THBS3: variants seen among roughly 807,000 people sequenced by gnomAD.
THBS3 encodes the protein thrombospondin 3.
THBS3 carries 78 observed loss-of-function variants against 118.3 expected under a neutral mutation model. The ratio of observed to expected loss-of-function variants is 0.66; its 90% CI spans 0.55 to 0.80. The LOEUF is 0.80. THBS3 is among the 30% of genes least tolerant of loss of function. The probability of loss-of-function intolerance (pLI) is 0.00; values close to 1 mark genes in which losing one functional copy is unlikely to be tolerated. For synonymous variants in THBS3, 427 were observed against 475.3 expected (o/e 0.90, Z 1.32); for missense variants, 1,057 against 1,247.4 (o/e 0.85, Z 2.30).
upstream of THBS3, chr1:155,209,018 C>G (rs757592720): frequency 1.9e-6 from 3 of 1,582,434 alleles, no homozygotes; most frequent in African/African-American, 4.0e-5. Flanking sequence ...GCCGACAGCG[C>G]TGTCCCGCTA....
At chr1:155,209,133 C>T, upstream of THBS3, 6 of 1,540,554 alleles carry the variant, frequency 3.9e-6, no homozygotes, top group Non-Finnish European at 5.3e-6. Context: ...CTCGCCTCCC[C>T]GGGGATCTCC....
At position 155,197,474 on chromosome 1, in the gene THBS3, G is replaced by C; in HGVS notation, c.2488C>G (p.Leu830Val). Reference sequence around the variant, plus strand: ...GAGCAGCTGGGGACCTTGAGCTGCAGCCCGGGCTGGGCAACCGCCCGGAAG... The same window carrying C: ...GAGCAGCTGGGGACCTTGAGCTGCACCCCGGGCTGGGCAACCGCCCGGAAG... ...TPFRAVAQPGLQLKAVTSVSG... is the reference protein window; with the variant it reads ...TPFRAVAQPGVQLKAVTSVSG... The change falls in exon 20 of 23, where the codon CTG (leucine) becomes GTG (valine). Residue 830 changes from leucine to valine, a missense_variant. By Grantham distance (32) the Leu-to-Val change is conservative. Around this residue, in one of 3 missense-constraint regions of THBS3, gnomAD observed 307 missense variants for 326.1 expected, o/e 0.94. Coordinates refer to ENST00000368378, the MANE Select transcript of THBS3 (RefSeq NM_007112.5). This position sits in a 1 kb window ranked among gnomAD's most constrained non-coding sequence, Gnocchi z 5.0. 1 of 1,612,872 alleles carries C rather than the reference G, an allele frequency of 6.2e-7. No homozygotes were observed. The highest frequency in any genetic ancestry group is 8.5e-7 in the Non-Finnish European group (1 of 1,179,932).
intron 1 of THBS3, among the ~76,000 whole-genome samples, chr1:155,207,468 C>T (rs550896542): frequency 5.9e-5 from 9 of 151,968 alleles, no homozygotes; most frequent in South Asian, 2.1e-4. Flanking sequence ...ACCTACAGTA[C>T]GCCCACCTTC....
At position 155,202,054 on chromosome 1, in the gene THBS3, G is replaced by A. The variant is rs1468304248; in HGVS notation, c.1099-20C>T. 6.2e-7 allele frequency: 1 copy of A among 1,613,972 alleles called. No individual in the cohort carries two copies. Among genetic ancestry groups the A allele is most frequent in the South Asian group, 1.1e-5 (1 of 91,090 alleles). On this transcript the variant is annotated intron_variant, in intron 9 of 22. Coordinates refer to ENST00000368378, the MANE Select transcript of THBS3 (RefSeq NM_007112.5). This position sits in a 1 kb window ranked among gnomAD's most constrained non-coding sequence, Gnocchi z 5.5. ...GCAGACCTGAAGGGGCAGACTTTGGGTGGAACCAGACCTATGGTGGGTCTC... is the reference window on the plus strand; with the variant it reads ...GCAGACCTGAAGGGGCAGACTTTGGATGGAACCAGACCTATGGTGGGTCTC...
Position 155,205,199 on chromosome 1 carries a change from G to T in THBS3, c.404C>A (p.Pro135His), listed in dbSNP as rs1336127693. 1 of 1,614,088 alleles carries T rather than the reference G, an allele frequency of 6.2e-7. No homozygotes were observed. The highest frequency in any genetic ancestry group is 1.3e-5 in the African/African-American group (1 of 74,932). Reference protein sequence around the residue: ...VLLRLRGPSRPSPALHLYVDC... With the variant: ...VLLRLRGPSRHSPALHLYVDC... ...CACGTAGAGATGTAGGGCAGGGCTG[G>T]GTCTGGAGGGACCTCGGAGTCGCAG... Residue 135 changes from proline to histidine, a missense_variant, in exon 3 of 23, where the codon CCC (proline) becomes CAC (histidine). Pro to His is a moderately conservative substitution (Grantham distance 77). Transcript: ENST00000368378.
chr1:155,197,600 C>G lies in THBS3; in HGVS notation c.2362G>C (p.Asp788His). Residue 788 changes from aspartate (D) to histidine (H), a missense_variant, in exon 20 of 23, where the codon GAT (aspartate) becomes CAT (histidine). Physicochemically the swap from Asp to His is moderately conservative, Grantham distance 81. Transcript: ENST00000368378. The surrounding 1 kb of genome is among the most constrained non-coding windows in gnomAD (Gnocchi z 5.0). ...EGTFHVNTVT[D>H]DDYAGFLFSY... ...AAGAGAAAGCCTGCGTAGTCATCATCAGTCACTGTGTTCACATGGAAGGTG... is the reference window on the plus strand; with the variant it reads ...AAGAGAAAGCCTGCGTAGTCATCATGAGTCACTGTGTTCACATGGAAGGTG... 6.2e-7 allele frequency: 1 copy of G among 1,613,296 alleles called. No individual in the cohort carries two copies. The highest frequency in any genetic ancestry group is 1.3e-5 in the African/African-American group (1 of 74,708).
chr1:155,200,819 C>T, intron 13 of THBS3, 78 bp downstream of exon 13: 1 of 1,610,836 alleles, frequency 6.2e-7, no homozygotes. Context: ...AGAGAGCTGC[C>T]AGATGAGGTA....
intron 4 of THBS3, among the ~76,000 whole-genome samples, chr1:155,204,648 ATTC>A (rs1321671956): frequency 1.3e-5 from 2 of 151,886 alleles, no homozygotes; most frequent in Non-Finnish European, 2.9e-5. Context: ...CAATTAACCA[ATTC>A]TTCTCTTAGA....
Position 155,206,402 on chromosome 1 carries a change from A to G in THBS3, c.84T>C (p.Ile28=). ...GAGACTCGCCCACAGTCAGCAGGTC[A>G]ATTACTGGTCAGGCAGGGGTTATCA... ...FTSASQDLQV[I]DLLTVGESRQ... Residue 28 remains isoleucine, a synonymous_variant, in exon 2 of 23, where the codon ATT becomes ATC. Coordinates refer to ENST00000368378, the MANE Select transcript of THBS3 (RefSeq NM_007112.5). This position sits in a 1 kb window ranked among gnomAD's most constrained non-coding sequence, Gnocchi z 4.2. 1 of 1,613,994 alleles carries G rather than the reference A, an allele frequency of 6.2e-7. No individual in the cohort carries two copies. Among genetic ancestry groups the G allele is most frequent in the East Asian group, 2.2e-5 (1 of 44,882 alleles).
In THBS3 at chr1:155,197,362, G is replaced by T. The variant is rs957920947; in HGVS notation, c.2499+101C>A. 52 of 1,533,030 alleles carry T rather than the reference G, an allele frequency of 3.4e-5. No individual in the cohort carries two copies. The highest frequency in any genetic ancestry group is 4.5e-5 in the Non-Finnish European group (51 of 1,128,772). 95.0% of individuals were successfully genotyped at this position (1,533,030 alleles called of 1,614,324 possible). ...GAGCCGGCCTCCAAGCCAGATGTCT[G>T]GGTAAGAGGGTTCCCAGTCAAGCAG... On this transcript the variant is annotated intron_variant, in intron 20 of 22. Coordinates refer to ENST00000368378, the MANE Select transcript of THBS3 (RefSeq NM_007112.5). This position sits in a 1 kb window ranked among gnomAD's most constrained non-coding sequence, Gnocchi z 5.0.
At chr1:155,198,648 T>C in intron 16 of THBS3, 46 bp from the exon 17 acceptor site, 2 of 1,581,350 alleles carry the variant, frequency 1.3e-6, no homozygotes, top group Non-Finnish European at 8.6e-7. Context: ...AAGGTACTCC[T>C]TGTCCTTCCC....
In THBS3 at chr1:155,207,798, C is replaced by A. The variant is rs374587876; in HGVS notation, c.79G>T (p.Val27Leu). ...FFTSASQDLQ[V>L]IDLLTVGESR... Reference sequence around the variant, plus strand: ...TCTAAGAGGATGGAGACAGGCTTACCCTGCAGATCCTGACTGGCAGATGTG... The same window carrying A: ...TCTAAGAGGATGGAGACAGGCTTACACTGCAGATCCTGACTGGCAGATGTG... Residue 27 changes from valine (V) to leucine (L), a missense_variant and splice_region_variant, in exon 1 of 23, where the codon GTA becomes TTA. Coordinates refer to ENST00000368378, the MANE Select transcript of THBS3 (RefSeq NM_007112.5). 9 of 1,613,816 alleles carry A rather than the reference C, an allele frequency of 5.6e-6. No homozygotes were observed. In the Admixed American group the frequency reaches 1.5e-4, roughly 27 times the overall value.
rs200131000 is a variant in THBS3, at chr1:155,200,990, C to T, written c.1455G>A (p.Leu485=). The T allele has an allele frequency of 1.9e-6, 3 of 1,614,176 alleles. No homozygotes were observed. In the African/African-American group the frequency reaches 4.0e-5, roughly 22 times the overall value. The stretch of plus-strand genomic sequence containing the variant: ...CATCTTCCTGCCCAGAGTTGGGTGT[C>T]AAAAGGCAGTTGTCCTAAAGTTCAG... ...NKHCKQDNCL[L]TPNSGQEDAD... is the part of the protein sequence containing the mutation. The change falls in exon 13 of 23, where the codon TTG becomes TTA. Residue 485 remains leucine (L), a synonymous_variant. Coordinates refer to ENST00000368378, the MANE Select transcript of THBS3 (RefSeq NM_007112.5).
In THBS3 at chr1:155,201,000, T is replaced by G. The variant is rs753654624; in HGVS notation, c.1445A>C (p.Asn482Thr). Residue 482 changes from asparagine to threonine, a missense_variant, in exon 13 of 23, where the codon AAC (asparagine) becomes ACC (threonine). Transcript: ENST00000368378. The part of the protein sequence containing the change: ...MDNNKHCKQD[N>T]CLLTPNSGQE... ...CCCAGAGTTGGGTGTCAAAAGGCAG[T>G]TGTCCTAAAGTTCAGGGGAAGAGGA... is the stretch of plus-strand genomic sequence containing the variant. 3.0e-5 allele frequency: 48 copies of G among 1,614,064 alleles called. No individual in the cohort carries two copies. The highest frequency in any genetic ancestry group is 3.9e-5 in the Non-Finnish European group (46 of 1,180,044).
intron 14 of THBS3, 90 bp from the exon 15 acceptor site, chr1:155,200,203 C>G (rs1669481015): frequency 3.2e-6 from 4 of 1,237,400 alleles, no homozygotes; most frequent in Non-Finnish European, 4.5e-6. Context: ...TGTCTCCCCA[C>G]CCAGAGGACA....
upstream of THBS3, chr1:155,208,981 GCGC>G (rs761274486): frequency 6.2e-7 from 1 of 1,605,602 alleles, no homozygotes; most frequent in South Asian, 1.1e-5. Flanking sequence ...CTTGGACGAG[GCGC>G]CGTGACTCTC....
rs765071875 is a variant in THBS3, at chr1:155,198,403, G to C, written c.2074+6C>G. On this transcript the variant is annotated splice_donor_region_variant and intron_variant, in intron 17 of 22. Transcript: ENST00000368378. ...AGTCTAACGTGCTCTGGGTCCGCAG[G>C]CTTACCATCTGAGTCCTTCTGATTG... is the stretch of plus-strand genomic sequence containing the variant. The C allele has an allele frequency of 1.2e-6, 2 of 1,612,898 alleles. No homozygotes were observed.
chr1:155,197,901 T>A lies in THBS3; in HGVS notation c.2281A>T (p.Ser761Cys). ...ATACCAACTGCCAAGCCAGGGTCACTGTTCATGGTCTGAACGATTTCCATG... is the reference window on the plus strand; with the variant it reads ...ATACCAACTGCCAAGCCAGGGTCACAGTTCATGGTCTGAACGATTTCCATG... ...QGMEIVQTMN[S>C]DPGLAVGYTA... Residue 761 changes from serine to cysteine, a missense_variant, in exon 19 of 23, where the codon AGT (serine) becomes TGT (cysteine). Physicochemically the swap from Ser to Cys is moderately radical, Grantham distance 112. Around this residue, in one of 3 missense-constraint regions of THBS3, gnomAD observed 307 missense variants for 326.1 expected, o/e 0.94. Transcript: ENST00000368378. The surrounding 1 kb of genome is among the most constrained non-coding windows in gnomAD (Gnocchi z 5.0). 1 of 1,614,112 alleles carries A rather than the reference T, an allele frequency of 6.2e-7. No individual in the cohort carries two copies. Among genetic ancestry groups the A allele is most frequent in the Non-Finnish European group, 8.5e-7 (1 of 1,180,018 alleles).
At chr1:155,209,131 C>T, upstream of THBS3, 1 of 1,541,146 alleles carries the variant, frequency 6.5e-7, no homozygotes, top group South Asian at 1.2e-5. Flanking sequence ...GCCTCGCCTC[C>T]CCGGGGATCT....
Sources: allele counts gnomAD v4.1 joint callset (sites outside exome capture counted in the v4.1 genomes callset), GRCh38; gene constraint gnomAD v4.1.1; regional missense constraint gnomAD v4.1.1; non-coding constraint Gnocchi (gnomAD v3.1); transcripts MANE v1.5; gene names NCBI Gene and HGNC (gene_info 2026-07-23, HGNC 2026-07-21).